NCAM1: variants seen among roughly 807,000 people sequenced by gnomAD.
NCAM1 encodes neural cell adhesion molecule 1.
In NCAM1, 14 loss-of-function variants were observed where a neutral mutation model predicts 109.8. That is an observed-to-expected ratio of 0.13 (90% CI 0.08 to 0.20). NCAM1 has a LOEUF of 0.20. Among genes scored for constraint, NCAM1 ranks in the 10% least tolerant of loss-of-function variants. The pLI is 1.00. For missense variants in NCAM1, 774 were observed against 1,109.9 expected, an observed-to-expected ratio of 0.70 and a Z score of 4.30; for synonymous variants, 418 against 442.9, an observed-to-expected ratio of 0.94 and a Z score of 0.70.
chr11:112,965,107 G>A (rs1439142995), intron 1 of NCAM1, among the ~76,000 whole-genome samples: 1 of 151,772 alleles, frequency 6.6e-6, no homozygotes, highest in African/African-American at 2.4e-5. Flanking sequence ...CCAGAAAATA[G>A]CAGGACATAT....
At chr11:113,264,944 C>G (rs1946106093) in intron 17 of NCAM1, 1 of 985,634 alleles carries the variant, frequency 1.0e-6, no homozygotes, top group Non-Finnish European at 1.2e-6. Context: ...GAGACAGCAG[C>G]CCTCAGAGAC....
At chr11:112,968,377 C>T (rs1332552818) in intron 1 of NCAM1, among the ~76,000 whole-genome samples, 1 of 152,132 alleles carries the variant, frequency 6.6e-6, no homozygotes, top group Non-Finnish European at 1.5e-5. Context: ...GTAGTTTTGC[C>T]AGCTAAAGGC....
At chr11:113,000,813 T>TATAC (rs1275049382) in intron 1 of NCAM1, among the ~76,000 whole-genome samples, 2 of 54,310 alleles carry the variant, frequency 3.7e-5, no homozygotes, top group African/African-American at 2.0e-4. Context: ...TAGAATTATA[T>TATAC]ATACATATAT....
chr11:113,031,549 G>A (rs1024071363), intron 1 of NCAM1, among the ~76,000 whole-genome samples: 6 of 152,058 alleles, frequency 3.9e-5, no homozygotes, highest in South Asian at 2.1e-4. Flanking sequence ...AAATTTAGCC[G>A]GGCGTGGTGG....
At chr11:113,043,710 T>C (rs1953158973) in intron 1 of NCAM1, among the ~76,000 whole-genome samples, 1 of 152,194 alleles carries the variant, frequency 6.6e-6, no homozygotes, top group South Asian at 2.1e-4. Flanking sequence ...TCTCTCCAGC[T>C]GGTAACAAGC....
At chr11:112,982,187 T>C (rs1951171575) in intron 1 of NCAM1, among the ~76,000 whole-genome samples, 1 of 152,026 alleles carries the variant, frequency 6.6e-6, no homozygotes, top group Admixed American at 6.6e-5. Flanking sequence ...GTGCAAGTTG[T>C]CAGAGTTGGC....
At chr11:113,011,934 C>T (rs930170217) in intron 1 of NCAM1, among the ~76,000 whole-genome samples, 9 of 151,176 alleles carry the variant, frequency 6.0e-5, no homozygotes, top group Non-Finnish European at 1.0e-4. Flanking sequence ...TCCTTCTTTC[C>T]TTCTCTCCTT....
intron 9 of NCAM1, 123 bp downstream of exon 9, chr11:113,221,448 T>C: frequency 2.9e-6 from 3 of 1,032,394 alleles, no homozygotes; most frequent in Non-Finnish European, 4.3e-6. Flanking sequence ...AATAGGTCGA[T>C]AGTGGTAGAC....
In NCAM1 at chr11:113,212,749, C is replaced by A. The variant is rs539010481; in HGVS notation, c.917-1620C>A. On this transcript the variant is annotated intron_variant, in intron 7 of 19. Coordinates refer to ENST00000316851, the MANE Select transcript of NCAM1 (RefSeq NM_181351.5). ...TTTTTGTTTTTCATGTTTATTTTAC[C>A]TTTATTTTACTTTGCCCTCTAAAAC... Among the ~76,000 whole-genome samples the A allele has an allele frequency of 4.6e-5, 7 of 151,862 alleles. No individual in the cohort carries two copies. The South Asian group carries it at 1.0e-3, about 23-fold the overall frequency.
chr11:113,068,193 G>A (rs900308772), intron 1 of NCAM1, among the ~76,000 whole-genome samples: 8 of 152,154 alleles, frequency 5.3e-5, no homozygotes, highest in Non-Finnish European at 1.0e-4. Flanking sequence ...TTACAAGCAT[G>A]AGCCACTGTG....
At chr11:113,178,985 G>T (rs183733297) in intron 1 of NCAM1, among the ~76,000 whole-genome samples, 529 of 152,278 alleles carry the variant, frequency 3.5e-3, no homozygotes, top group African/African-American at 0.012. Context: ...ACAGTATTAT[G>T]CCAGAGCTGC....
intron 1 of NCAM1, among the ~76,000 whole-genome samples, chr11:113,066,571 G>A (rs73566698): frequency 0.014 from 2,180 of 152,178 alleles, 51 homozygotes; most frequent in African/African-American, 0.049. Context: ...CCTTCAAATC[G>A]CATACTCCTT....
chr11:112,995,297 G>T (rs1323948991), intron 1 of NCAM1, among the ~76,000 whole-genome samples: 1 of 152,090 alleles, frequency 6.6e-6, no homozygotes, highest in East Asian at 1.9e-4. Context: ...GAATTGTCGG[G>T]TTTAGTAATT....
chr11:113,089,067 C>A (rs1241874179), intron 1 of NCAM1, among the ~76,000 whole-genome samples: 1 of 152,168 alleles, frequency 6.6e-6, no homozygotes, highest in African/African-American at 2.4e-5. Flanking sequence ...GTAATCCCAA[C>A]ACTTTAGGAG....
chr11:113,025,116 A>G (rs1952497246), intron 1 of NCAM1, among the ~76,000 whole-genome samples: 1 of 152,254 alleles, frequency 6.6e-6, no homozygotes, highest in Non-Finnish European at 1.5e-5. Flanking sequence ...ACCATTTAGT[A>G]TGCAAATCAC....
At chr11:113,245,314 C>T (rs1000502948) in intron 14 of NCAM1, among the ~76,000 whole-genome samples, 13 of 152,096 alleles carry the variant, frequency 8.5e-5, no homozygotes, top group African/African-American at 1.7e-4. Flanking sequence ...TAGTAGCAGA[C>T]GCCTGCAGTC....
At chr11:113,015,717 A>G (rs1010772994) in intron 1 of NCAM1, among the ~76,000 whole-genome samples, 54 of 152,234 alleles carry the variant, frequency 3.5e-4, no homozygotes, top group African/African-American at 1.3e-3. Flanking sequence ...CCTGGGTGAC[A>G]GAGACTCCAT....
chr11:113,132,337 C>T lies in NCAM1; in HGVS notation c.53-70042C>T, dbSNP rs560777638. 3.1e-3 allele frequency among the ~76,000 whole-genome samples: 479 copies of T among 152,298 alleles called. 2 individuals are homozygous for T. Among genetic ancestry groups the T allele is most frequent in the African/African-American group, 0.011 (467 of 41,560 alleles). ...TCTGACCTAAATTTTGAGCCAGGCTCTGCAAATTTGCCTCTTTAACTAGGA... is the reference window on the plus strand; with the variant it reads ...TCTGACCTAAATTTTGAGCCAGGCTTTGCAAATTTGCCTCTTTAACTAGGA... On this transcript the variant is annotated intron_variant, in intron 1 of 19. Transcript: ENST00000316851.
Position 113,232,514 on chromosome 11 carries a change from C to T in NCAM1, c.1425+160C>T, listed in dbSNP as rs538598922. Among the ~76,000 whole-genome samples, 12 of 152,306 alleles carry T rather than the reference C, an allele frequency of 7.9e-5. No individual in the cohort carries two copies. The South Asian group carries it at 1.5e-3, about 18-fold the overall frequency. ...ACTGAGCCTCTTTTCAGCTCCCCTT[C>T]GCCCACTCTACCAGTCCCCTCCCTG... On this transcript the variant is annotated intron_variant, in intron 11 of 19. Transcript: ENST00000316851.
Sources: gnomAD v4.1 joint callset for allele counts (sites outside exome capture counted in the v4.1 genomes callset) on GRCh38, gnomAD v4.1.1 for gene constraint, MANE v1.5 for transcripts, NCBI Gene and HGNC (gene_info 2026-07-23, HGNC 2026-07-21) for gene names.